The following XPOT variants were observed in gnomAD, a reference collection of about 807,000 sequenced individuals.
XPOT encodes exportin for tRNA.
Under a neutral mutation model 128.2 loss-of-function variants are expected in XPOT, and 34 were observed. The observed-to-expected ratio is 0.27, with a 90% CI of 0.20 to 0.35. The LOEUF (loss-of-function observed/expected upper bound fraction) is 0.35, where lower values mean the gene tolerates loss of function less well. Ranked by LOEUF, XPOT falls within the 10% of genes least tolerant of loss-of-function variation. The pLI is 1.00. For missense variants in XPOT, 838 were observed against 1,125.3 expected (o/e 0.74, Z 3.65); for synonymous variants, 348 against 394.3 (o/e 0.88, Z 1.39).
At chr12:64,416,554 A>C (rs2040089023) in intron 3 of XPOT, 144 bp from the exon 4 acceptor site, 1 of 598,764 alleles carries the variant, frequency 1.7e-6, no homozygotes, top group African/African-American at 1.8e-5. Flanking sequence ...TTTTAATGTC[A>C]TAAAATGAGA....
chr12:64,428,625 A>G (rs2040212480), intron 16 of XPOT, among the ~76,000 whole-genome samples: 1 of 152,190 alleles, frequency 6.6e-6, no homozygotes, highest in Non-Finnish European at 1.5e-5. Context: ...CCATAATCCC[A>G]AGTGTTAAAA....
At chr12:64,430,323 G>T in intron 17 of XPOT, 36 bp downstream of exon 17, 1 of 1,476,718 alleles carries the variant, frequency 6.8e-7, no homozygotes, top group East Asian at 2.3e-5. Flanking sequence ...TAAAGTGCAT[G>T]TATCTACACA....
At position 64,423,247 on chromosome 12, in the gene XPOT, A is replaced by G; in HGVS notation, c.1182+3A>G. 1 of 1,564,332 alleles carries G rather than the reference A, an allele frequency of 6.4e-7. No individual in the cohort carries two copies. The highest frequency in any genetic ancestry group is 8.6e-7 in the Non-Finnish European group (1 of 1,160,872). ...AAGAATATAACTTTGAAAATGAGGT[A>G]AGAATTTTTTTTTGTTGAGGAGAAA... On this transcript the variant is annotated splice_donor_region_variant and intron_variant, in intron 11 of 24. Coordinates refer to ENST00000332707, the MANE Select transcript of XPOT (RefSeq NM_007235.6).
intron 24 of XPOT, among the ~76,000 whole-genome samples, chr12:64,447,201 T>C (rs1213554853): frequency 1.3e-5 from 2 of 152,026 alleles, no homozygotes; most frequent in Non-Finnish European, 2.9e-5. Context: ...CCACAACACA[T>C]AGGAATTATG....
In XPOT at chr12:64,413,204, G is replaced by C. The variant is rs180804356; in HGVS notation, c.61-1703G>C. 1.1e-4 allele frequency among the ~76,000 whole-genome samples: 16 copies of C among 152,302 alleles called. No individual in the cohort carries two copies. The East Asian group carries it at 3.1e-3, about 29-fold the overall frequency. ...AACTCTGTTGACCCCGAAGTCTCTA[G>C]TGATCCTTCCACCTTAGCCTCCCAA... On this transcript the variant is annotated intron_variant, in intron 2 of 24. Transcript: ENST00000332707.
rs2040136650 is a variant in XPOT at position 64,421,338 on chromosome 12, A to G, written c.947A>G (p.Lys316Arg). ...WSKLIKNGDI[K>R]NAQEALQAIE... ...AAATTAATTAAGAATGGGGATATTA[A>G]GAATGCTCAAGAGGCACTACAAGCT... Residue 316 changes from lysine (K) to arginine (R), a missense_variant, in exon 9 of 25, where the codon AAG (lysine) becomes AGG (arginine). By Grantham distance (26) the Lys-to-Arg change is conservative (BLOSUM62 2). Coordinates refer to ENST00000332707, the MANE Select transcript of XPOT (RefSeq NM_007235.6). The G allele has an allele frequency of 3.1e-6, 5 of 1,613,958 alleles. No individual in the cohort carries two copies. Among genetic ancestry groups the G allele is most frequent in the Non-Finnish European group, 4.2e-6 (5 of 1,179,942 alleles).
intron 19 of XPOT, among the ~76,000 whole-genome samples, chr12:64,434,037 A>C (rs1194266435): frequency 6.6e-6 from 1 of 152,138 alleles, no homozygotes. Flanking sequence ...GATTTGTGAG[A>C]TAGGGTCTCA....
intron 15 of XPOT, among the ~76,000 whole-genome samples, chr12:64,426,835 T>G (rs1261593561): frequency 1.3e-5 from 2 of 151,660 alleles, no homozygotes; most frequent in African/African-American, 4.8e-5. Context: ...ATACAGAAAA[T>G]TAGCCGGGCA....
rs765885848 is a variant in XPOT at position 64,418,921 on chromosome 12, G to T, written c.316G>T (p.Ala106Ser). The change falls in exon 6 of 25, where the codon GCC becomes TCC. Residue 106 changes from alanine (A) to serine (S), a missense_variant. Coordinates refer to ENST00000332707, the MANE Select transcript of XPOT (RefSeq NM_007235.6). ...GAAGACCTTTATACGAAATAAAGCCGCCCAAGTCTTCGCCTTGCTTTTTGT... is the reference window on the plus strand; with the variant it reads ...GAAGACCTTTATACGAAATAAAGCCTCCCAAGTCTTCGCCTTGCTTTTTGT... ...PEKTFIRNKA[A>S]QVFALLFVTE... is the part of the protein sequence containing the mutation. The T allele has an allele frequency of 1.9e-6, 3 of 1,613,852 alleles. No individual in the cohort carries two copies. Among genetic ancestry groups the T allele is most frequent in the Non-Finnish European group, 1.7e-6 (2 of 1,179,884 alleles).
chr12:64,414,876 A>C, intron 2 of XPOT, 31 bp from the exon 3 acceptor site: 1 of 1,377,620 alleles, frequency 7.3e-7, no homozygotes, highest in Non-Finnish European at 1.0e-6. Flanking sequence ...TGTTTATTCT[A>C]AATGCATTTT....
intron 10 of XPOT, 32 bp from the exon 11 acceptor site, chr12:64,423,150 A>G (rs113183488): frequency 1.0e-5 from 16 of 1,596,418 alleles, no homozygotes; most frequent in African/African-American, 8.1e-5. Context: ...GGAGACTGAC[A>G]AAAACTCTTT....
chr12:64,420,480 T>G lies in XPOT; in HGVS notation c.802T>G (p.Cys268Gly). 3 of 1,613,794 alleles carry G rather than the reference T, an allele frequency of 1.9e-6. No individual in the cohort carries two copies. Among genetic ancestry groups the G allele is most frequent in the Non-Finnish European group, 2.5e-6 (3 of 1,179,874 alleles). Residue 268 changes from cysteine (C) to glycine (G), a missense_variant, in exon 8 of 25, where the codon TGT becomes GGT. Cys to Gly is a radical substitution (Grantham distance 159). Transcript: ENST00000332707. The part of the protein sequence containing the change: ...VDKMKLVESL[C>G]QVLQSAGFFS... ...TAAAATGAAACTAGTGGAATCTTTG[T>G]GTCAAGTATTACAGTCTGCTGGGTT...
chr12:64,438,242 A>G (rs886476496), intron 22 of XPOT, among the ~76,000 whole-genome samples: 16 of 152,132 alleles, frequency 1.1e-4, no homozygotes, highest in Admixed American at 9.8e-4. Context: ...TCAGAAAACA[A>G]AAAAAAGTTT....
At chr12:64,415,020 T>A in intron 3 of XPOT, 31 bp downstream of exon 3, 1 of 1,373,778 alleles carries the variant, frequency 7.3e-7, no homozygotes, top group Non-Finnish European at 1.0e-6. Flanking sequence ...CATGACAATT[T>A]AAATTTCTGT....
At chr12:64,431,070 A>C (rs2040235185) in intron 17 of XPOT, among the ~76,000 whole-genome samples, 1 of 152,066 alleles carries the variant, frequency 6.6e-6, no homozygotes, top group Non-Finnish European at 1.5e-5. Context: ...TCAGCCTCCA[A>C]GTAGCTGGGA....
At chr12:64,414,350 C>T (rs2040067445) in intron 2 of XPOT, among the ~76,000 whole-genome samples, 1 of 152,152 alleles carries the variant, frequency 6.6e-6, no homozygotes, top group Admixed American at 6.5e-5. Flanking sequence ...AAATTCATAT[C>T]ATGCACTTGT....
At chr12:64,423,377 C>T (rs1332715766) in intron 11 of XPOT, 133 bp downstream of exon 11, 2 of 593,594 alleles carry the variant, frequency 3.4e-6, no homozygotes, top group Non-Finnish European at 2.8e-6. Context: ...TTTATATTGA[C>T]ACCAACCTTG....
chr12:64,447,978 T>A, intron 24 of XPOT, 127 bp from the exon 25 acceptor site: 2 of 840,414 alleles, frequency 2.4e-6, no homozygotes, highest in Non-Finnish European at 4.0e-6. Flanking sequence ...TACGGATATA[T>A]AAGGCATGCG....
chr12:64,412,336 A>T (rs10878169), intron 2 of XPOT, among the ~76,000 whole-genome samples: 65,659 of 151,668 alleles, frequency 0.43, 16,325 homozygotes, highest in Non-Finnish European at 0.56. Flanking sequence ...CCTCCTTTTT[A>T]AAAAATAAAA....
Sources: allele counts gnomAD v4.1 joint callset (sites outside exome capture counted in the v4.1 genomes callset), GRCh38; gene constraint gnomAD v4.1.1; transcripts MANE v1.5; gene names NCBI Gene and HGNC (gene_info 2026-07-23, HGNC 2026-07-21).